Variants in NTM observed in about 807,000 individuals in gnomAD.
NTM encodes IgLON family member 2.
Under a neutral mutation model 42.1 loss-of-function variants are expected in NTM, and 13 were observed. The observed-to-expected ratio is 0.31, with a 90% CI of 0.20 to 0.49. The LOEUF (loss-of-function observed/expected upper bound fraction) is 0.49, where lower values mean the gene tolerates loss of function less well. Ranked by LOEUF, NTM falls within the 20% of genes least tolerant of loss-of-function variation. The pLI is 0.99. For synonymous variants in NTM, 187 were observed against 179.2 expected (o/e 1.04, Z -0.35); for missense variants, 373 against 452.8 (o/e 0.82, Z 1.60).
At position 131,795,050 on chromosome 11, in the gene NTM, A is replaced by T. The variant is rs1269288670; in HGVS notation, c.83-116514A>T. 43 of 860,312 alleles carry T rather than the reference A, an allele frequency of 5.0e-5. No individual in the cohort carries two copies. The South Asian group carries it at 2.1e-3, about 41-fold the overall frequency. The allele number at this position is 860,312 out of a possible 1,614,324, so 53.3% of individuals were successfully genotyped here. A position where few individuals can be genotyped will look rare whatever the true frequency, so the allele number is the denominator to read the frequency against. On this transcript the variant is annotated intron_variant, in intron 1 of 8. Coordinates refer to ENST00000683400, the MANE Select transcript of NTM (RefSeq NM_001352005.2). Reference sequence around the variant, plus strand: ...GACCCTGTAGCCAAAGGGGGGGAAAAAAACAGCACTAGTGATGTGGTCTTT... The same window carrying T: ...GACCCTGTAGCCAAAGGGGGGGAAATAAACAGCACTAGTGATGTGGTCTTT...
At chr11:131,627,052 G>A (rs888879033) in intron 1 of NTM, among the ~76,000 whole-genome samples, 4 of 152,168 alleles carry the variant, frequency 2.6e-5, no homozygotes, top group African/African-American at 9.7e-5. Context: ...GGGCTCAGGC[G>A]CTGGAATGGG....
intron 1 of NTM, among the ~76,000 whole-genome samples, chr11:131,887,800 G>T (rs746704010): frequency 2.6e-5 from 4 of 152,164 alleles, no homozygotes; most frequent in South Asian, 2.1e-4. Context: ...ATCTAGTTCA[G>T]TATTTGCTAT....
chr11:131,979,820 A>G, intron 2 of NTM, among the ~76,000 whole-genome samples: 1 of 152,244 alleles, frequency 6.6e-6, no homozygotes, highest in East Asian at 1.9e-4. Context: ...GTCTATGGAT[A>G]TGATAATGGA....
intron 1 of NTM, among the ~76,000 whole-genome samples, chr11:131,545,239 A>G (rs2053770227): frequency 4.6e-5 from 7 of 152,176 alleles, no homozygotes; most frequent in Admixed American, 2.0e-4. Context: ...AGAATGGCTT[A>G]TCTTACCATC....
chr11:132,146,564 C>T lies in NTM; in HGVS notation c.400+50C>T, dbSNP rs758286682. 6.9e-6 allele frequency: 11 copies of T among 1,589,504 alleles called. No individual in the cohort carries two copies. In the South Asian group the frequency reaches 1.1e-4, roughly 16 times the overall value. Reference sequence around the variant, plus strand: ...AGATCTGGCTGGCCAGCCTGGAAAGCCTTCAGGTAAAGGTTTGTTCTCTGA... The same window carrying T: ...AGATCTGGCTGGCCAGCCTGGAAAGTCTTCAGGTAAAGGTTTGTTCTCTGA... On this transcript the variant is annotated intron_variant, in intron 3 of 8. Coordinates refer to ENST00000683400, the MANE Select transcript of NTM (RefSeq NM_001352005.2). The surrounding 1 kb of genome is among the most constrained non-coding windows in gnomAD (Gnocchi z 4.5).
At chr11:131,507,538 G>T (rs1249290973) in intron 1 of NTM, among the ~76,000 whole-genome samples, 2 of 152,160 alleles carry the variant, frequency 1.3e-5, no homozygotes, top group East Asian at 3.9e-4. Flanking sequence ...TTGGTGATGC[G>T]GGCTCTTTTT....
At chr11:131,448,410 G>A (rs1322852842) in intron 1 of NTM, among the ~76,000 whole-genome samples, 1 of 152,242 alleles carries the variant, frequency 6.6e-6, no homozygotes, top group East Asian at 1.9e-4. Flanking sequence ...ATGCAGGCTG[G>A]CAGGAGCAGT....
chr11:132,051,670 C>G (rs1473834465), intron 2 of NTM, among the ~76,000 whole-genome samples: 24 of 152,198 alleles, frequency 1.6e-4, no homozygotes, highest in Non-Finnish European at 1.5e-5. Context: ...GAGCCCCCTC[C>G]TCCCCAGGAG....
intron 4 of NTM, among the ~76,000 whole-genome samples, chr11:132,303,243 C>A (rs924854193): frequency 1.3e-5 from 2 of 152,214 alleles, no homozygotes; most frequent in African/African-American, 4.8e-5. Context: ...AACAAGAAAA[C>A]TGTACAGTGC....
At chr11:131,810,045 A>G (rs1027677449) in intron 1 of NTM, among the ~76,000 whole-genome samples, 1 of 152,192 alleles carries the variant, frequency 6.6e-6, no homozygotes, top group Admixed American at 6.5e-5. Context: ...TCGATCTGCA[A>G]TAAAACCTCA....
chr11:131,585,002 G>A (rs1181338883), intron 1 of NTM, among the ~76,000 whole-genome samples: 2 of 150,562 alleles, frequency 1.3e-5, no homozygotes, highest in Admixed American at 1.3e-4. Flanking sequence ...GGGGGGTGCA[G>A]TGGGGGGGAA....
intron 1 of NTM, among the ~76,000 whole-genome samples, chr11:131,792,517 A>G (rs1034343673): frequency 4.6e-5 from 7 of 152,172 alleles, no homozygotes; most frequent in Non-Finnish European, 8.8e-5. Flanking sequence ...GAGTCCCACA[A>G]TAATCAAACC....
chr11:132,185,341 T>C (rs565759991), intron 3 of NTM, among the ~76,000 whole-genome samples: 1 of 152,358 alleles, frequency 6.6e-6, no homozygotes, highest in Non-Finnish European at 1.5e-5. Flanking sequence ...TTCCCCATAA[T>C]GTGTGCCTCT....
rs183024852 is a variant in NTM, at chr11:131,613,503, C to T, written c.82+242615C>T. On this transcript the variant is annotated intron_variant, in intron 1 of 8. Transcript: ENST00000683400. Reference sequence around the variant, plus strand: ...CTTTCTGATATTGATTCCCAAATGCCAGACAGAGGAGGGAATCTATGATAA... The same window carrying T: ...CTTTCTGATATTGATTCCCAAATGCTAGACAGAGGAGGGAATCTATGATAA... Among the ~76,000 whole-genome samples, 286 of 152,298 alleles carry T rather than the reference C, an allele frequency of 1.9e-3. 1 individual carries two copies. The highest frequency in any genetic ancestry group is 3.5e-3 in the Non-Finnish European group (236 of 68,030).
At position 131,598,747 on chromosome 11, in the gene NTM, C is replaced by CTTTCTTTG. The variant is rs1555161411; in HGVS notation, c.82+227866_82+227867insGTTTCTTT. Among the ~76,000 whole-genome samples the CTTTCTTTG allele has an allele frequency of 7.6e-3, 554 of 73,376 alleles. 47 individuals are homozygous for CTTTCTTTG. The highest frequency in any genetic ancestry group is 0.025 in the African/African-American group (529 of 21,234). The allele number at this position is 73,376 out of a possible 152,430, so 48.1% of individuals were successfully genotyped here. On this transcript the variant is annotated intron_variant, in intron 1 of 8. Coordinates refer to ENST00000683400, the MANE Select transcript of NTM (RefSeq NM_001352005.2). ...TCTTTCTTTCTTTCTTTCTTTCTTT[C>CTTTCTTTG]TTTCTTTCTTCTTTCTTTTTTTCTT...
intron 1 of NTM, among the ~76,000 whole-genome samples, chr11:131,786,002 G>C (rs1320703749): frequency 1.3e-5 from 2 of 152,192 alleles, no homozygotes; most frequent in Non-Finnish European, 2.9e-5. Flanking sequence ...GTGTCATTCT[G>C]CTGGAAAGTT....
intron 1 of NTM, among the ~76,000 whole-genome samples, chr11:131,453,237 T>C (rs915762935): frequency 1.3e-5 from 2 of 152,122 alleles, no homozygotes; most frequent in Admixed American, 6.5e-5. Context: ...CTCTCAGAGA[T>C]GGGAGGTTGG....
At chr11:132,104,297 G>T (rs949215293) in intron 2 of NTM, among the ~76,000 whole-genome samples, 3 of 152,076 alleles carry the variant, frequency 2.0e-5, no homozygotes, top group Non-Finnish European at 4.4e-5. Context: ...TGAGTGATGA[G>T]ATTATAGGAT....
At chr11:131,647,074 C>T (rs2134288936) in intron 1 of NTM, among the ~76,000 whole-genome samples, 1 of 152,302 alleles carries the variant, frequency 6.6e-6, no homozygotes, top group East Asian at 1.9e-4. Context: ...CTGGCTGTGC[C>T]ACCTGATAAC....
Sources: gnomAD v4.1 joint callset for allele counts (sites outside exome capture counted in the v4.1 genomes callset) on GRCh38, gnomAD v4.1.1 for gene constraint, Gnocchi (gnomAD v3.1) non-coding constraint, MANE v1.5 for transcripts, NCBI Gene and HGNC (gene_info 2026-07-23, HGNC 2026-07-21) for gene names.